The following KIF9 variants were observed in gnomAD, a reference collection of about 807,000 sequenced individuals.
The protein encoded by KIF9 is kinesin family member 9, also known as kinesin-like protein KIF9.
Under a neutral mutation model 94.8 loss-of-function variants are expected in KIF9, and 68 were observed. The observed-to-expected ratio is 0.72, with a 90% CI of 0.59 to 0.88. KIF9 has a LOEUF of 0.88. Among genes scored for constraint, KIF9 ranks in the 40% least tolerant of loss-of-function variants. The pLI, the probability that KIF9 is intolerant of heterozygous loss-of-function variation, is 0.00. For missense variants in KIF9, 882 were observed against 982.5 expected (o/e 0.90, Z 1.37); for synonymous variants, 343 against 362.1 (o/e 0.95, Z 0.60).
chr3:47,269,160 C>T (rs1446296365), intron 5 of KIF9, among the ~76,000 whole-genome samples: 1 of 152,244 alleles, frequency 6.6e-6, no homozygotes, highest in African/African-American at 2.4e-5. Flanking sequence ...GCACTATGAT[C>T]ATGCCTGTGA....
chr3:47,251,430 G>A (rs1700264738), intron 10 of KIF9, among the ~76,000 whole-genome samples: 1 of 152,186 alleles, frequency 6.6e-6, no homozygotes, highest in Non-Finnish European at 1.5e-5. Context: ...TGGGTGCGGT[G>A]GCACATGCTT....
chr3:47,228,402 C>A lies in KIF9; in HGVS notation c.*250G>T. The A allele has an allele frequency of 2.1e-6, 1 of 485,012 alleles. No individual in the cohort carries two copies. Among genetic ancestry groups the A allele is most frequent in the South Asian group, 2.7e-5 (1 of 37,250 alleles). The allele number at this position is 485,012 out of a possible 1,614,324, so 30.0% of individuals were successfully genotyped here. On this transcript the variant is annotated 3_prime_UTR_variant, in exon 21 of 21. Coordinates refer to ENST00000684063, the MANE Select transcript of KIF9 (RefSeq NM_182902.4). ...AAGTTCTCAGATGAGCACTGAAAGT[C>A]CAAACTAGAAAGTTATTTTATCCTG...
chr3:47,239,758 G>A, intron 17 of KIF9: 1 of 1,336,746 alleles, frequency 7.5e-7, no homozygotes, highest in Non-Finnish European at 1.0e-6. Flanking sequence ...CTGCTCCTCT[G>A]AGAAATAAAT....
In KIF9 at chr3:47,231,515, A is replaced by G. The variant is rs1467972908; in HGVS notation, c.2323-2813T>C. 3.3e-5 allele frequency among the ~76,000 whole-genome samples: 5 copies of G among 149,438 alleles called. No homozygotes were observed. The East Asian group carries it at 7.8e-4, about 23-fold the overall frequency. On this transcript the variant is annotated intron_variant, in intron 20 of 20. Transcript: ENST00000684063. ...AACCTCCACCTCCCTGGTTTAAGCA[A>G]TTCTCACACCTCAGCCTCCCAAGTA... is the stretch of plus-strand genomic sequence containing the variant.
rs570342864 is a variant in KIF9 at position 47,232,139 on chromosome 3, A to C, written c.2322+3374T>G. Among the ~76,000 whole-genome samples the C allele has an allele frequency of 1.3e-3, 198 of 152,232 alleles. 1 individual carries two copies. Among genetic ancestry groups the C allele is most frequent in the African/African-American group, 4.5e-3 (185 of 41,540 alleles). On this transcript the variant is annotated intron_variant, in intron 20 of 20. Transcript: ENST00000684063. The stretch of plus-strand genomic sequence containing the variant: ...GGGGCCTGAGGGAGCTCGTTAGTTT[A>C]TTGCACTTCTGCTGTGTGAGGACAC...
At chr3:47,229,743 T>G (rs1420976149) in intron 20 of KIF9, among the ~76,000 whole-genome samples, 1 of 152,084 alleles carries the variant, frequency 6.6e-6, no homozygotes, top group Non-Finnish European at 1.5e-5. Context: ...TAGAATTTTT[T>G]TTTTTTTTGA....
At chr3:47,258,446 T>C (rs948856621) in intron 9 of KIF9, among the ~76,000 whole-genome samples, 2 of 152,206 alleles carry the variant, frequency 1.3e-5, no homozygotes, top group African/African-American at 4.8e-5. Flanking sequence ...AATCAACATT[T>C]TTAAATTATT....
At position 47,264,341 on chromosome 3, in the gene KIF9, C is replaced by T; in HGVS notation, c.926G>A (p.Cys309Tyr). 1 of 1,613,528 alleles carries T rather than the reference C, an allele frequency of 6.2e-7. No individual in the cohort carries two copies. The highest frequency in any genetic ancestry group is 1.1e-5 in the South Asian group (1 of 91,078). Residue 309 changes from cysteine to tyrosine, a missense_variant, in exon 9 of 21, where the codon TGC becomes TAC. Coordinates refer to ENST00000684063, the MANE Select transcript of KIF9 (RefSeq NM_182902.4). ...GATGTTTGTCACGAGGACCATATTG[C>T]AGTTTCCCCCTGCGGAAAGCAAGAC... The part of the protein sequence containing the change: ...HALKDSLGGN[C>Y]NMVLVTNIYG...
intron 11 of KIF9, 121 bp downstream of exon 11, chr3:47,247,897 G>A: frequency 1.3e-6 from 1 of 775,048 alleles, no homozygotes. Context: ...CACTGAGCCT[G>A]CCCCCCAACC....
chr3:47,234,110 A>G (rs984291928), intron 20 of KIF9, among the ~76,000 whole-genome samples: 1 of 152,048 alleles, frequency 6.6e-6, no homozygotes. Flanking sequence ...AGAAAGAGAG[A>G]AAACTGAGGG....
chr3:47,247,943 G>T, intron 11 of KIF9, 75 bp downstream of exon 11: 3 of 1,126,542 alleles, frequency 2.7e-6, no homozygotes, highest in Non-Finnish European at 4.0e-6. Context: ...GATGCTGTCT[G>T]CCCCTAGCCC....
At chr3:47,255,772 C>T (rs2107328820) in intron 10 of KIF9, among the ~76,000 whole-genome samples, 1 of 151,206 alleles carries the variant, frequency 6.6e-6, no homozygotes, top group East Asian at 1.9e-4. Flanking sequence ...CCACGGTCTC[C>T]CTCTCCCTCT....
chr3:47,237,196 C>T (rs182426658), intron 17 of KIF9, among the ~76,000 whole-genome samples: 1 of 152,152 alleles, frequency 6.6e-6, no homozygotes, highest in Non-Finnish European at 1.5e-5. Context: ...CGAGTTCAAG[C>T]GATTCTCCTC....
At chr3:47,281,657 T>C (rs903153837) in intron 1 of KIF9, among the ~76,000 whole-genome samples, 1 of 152,106 alleles carries the variant, frequency 6.6e-6, no homozygotes, top group Non-Finnish European at 1.5e-5. Context: ...CCCCTCCCTT[T>C]CTCCCTCAGG....
chr3:47,278,846 C>T (rs960594114), intron 1 of KIF9, among the ~76,000 whole-genome samples: 1 of 152,062 alleles, frequency 6.6e-6, no homozygotes, highest in Non-Finnish European at 1.5e-5. Flanking sequence ...GTGGCAGACG[C>T]CTGTAATCCC....
intron 9 of KIF9, among the ~76,000 whole-genome samples, chr3:47,258,999 G>T (rs1700791521): frequency 6.6e-6 from 1 of 152,156 alleles, no homozygotes; most frequent in South Asian, 2.1e-4. Flanking sequence ...TCTAGCCCCT[G>T]AGCAGCGTCT....
chr3:47,234,713 C>T, intron 20 of KIF9, among the ~76,000 whole-genome samples: 1 of 150,678 alleles, frequency 6.6e-6, no homozygotes, highest in South Asian at 2.1e-4. Context: ...TGCCACCACG[C>T]CTGGCTAATT....
chr3:47,260,454 A>G (rs1700895356), intron 9 of KIF9, among the ~76,000 whole-genome samples: 1 of 151,934 alleles, frequency 6.6e-6, no homozygotes, highest in Admixed American at 6.6e-5. Flanking sequence ...CTCTCGTCCC[A>G]CCTTACGAGA....
intron 1 of KIF9, among the ~76,000 whole-genome samples, chr3:47,278,256 T>C (rs1355874183): frequency 2.0e-5 from 3 of 152,032 alleles, no homozygotes; most frequent in Non-Finnish European, 4.4e-5. Context: ...ACATTTTTTT[T>C]GCAGAGATGG....
Sources: gnomAD v4.1 joint callset for allele counts (sites outside exome capture counted in the v4.1 genomes callset) on GRCh38, gnomAD v4.1.1 for gene constraint, MANE v1.5 for transcripts, NCBI Gene and HGNC (gene_info 2026-07-23, HGNC 2026-07-21) for gene names.